The following SLC25A40 variants were observed in gnomAD, a reference collection of about 807,000 sequenced individuals.
SLC25A40 encodes the protein solute carrier family 25 member 40.
In SLC25A40, 41 loss-of-function variants were observed where a neutral mutation model predicts 46.5. The observed-to-expected ratio is 0.88, with a 90% confidence interval of 0.69 to 1.14. The LOEUF is 1.14. Ranked by LOEUF, SLC25A40 falls within the 50% of genes most tolerant of loss-of-function variation. The pLI, the probability that SLC25A40 is intolerant of heterozygous loss-of-function variation, is 0.00. For missense variants in SLC25A40, 386 were observed against 393.6 expected (o/e 0.98, Z 0.16); for synonymous variants, 126 against 127.5 (o/e 0.99, Z 0.08).
intron 9 of SLC25A40, among the ~76,000 whole-genome samples, chr7:87,843,172 C>A (rs930426947): frequency 2.6e-5 from 4 of 152,024 alleles, no homozygotes; most frequent in African/African-American, 9.7e-5. Flanking sequence ...ATAAAAAAAA[C>A]TGCCAATGTC....
In SLC25A40 at chr7:87,836,176, G is replaced by A; in HGVS notation, c.*73C>T. On this transcript the variant is annotated 3_prime_UTR_variant, in exon 12 of 12. Transcript: ENST00000341119. ...ATAAAATCATTGTGAGAGAATAATG[G>A]TGAAAAACATTCTTGCCTAAGAGTC... 4 of 849,392 alleles carry A rather than the reference G, an allele frequency of 4.7e-6. No homozygotes were observed. Among genetic ancestry groups the A allele is most frequent in the South Asian group, 1.7e-5 (1 of 58,706 alleles). 52.6% of individuals were successfully genotyped at this position (849,392 alleles called of 1,614,324 possible).
In SLC25A40 at chr7:87,834,260, GAA is replaced by G. The variant is rs1395846462; in HGVS notation, c.*1987_*1988del. ...TATAGTTCAATTATTTTATCAGACA[GAA>G]CTCTGAGAGCAAATTAAAATTTTAA... On this transcript the variant is annotated 3_prime_UTR_variant, in exon 12 of 12. Coordinates refer to ENST00000341119, the MANE Select transcript of SLC25A40 (RefSeq NM_018843.4). 6.6e-6 allele frequency: 1 copy of G among 151,660 alleles called. No individual in the cohort carries two copies. The highest frequency in any genetic ancestry group is 1.5e-5 in the Non-Finnish European group (1 of 67,818). 9.4% of individuals were successfully genotyped at this position (151,660 alleles called of 1,614,324 possible). A position where few individuals can be genotyped will look rare whatever the true frequency, so the allele number is the denominator to read the frequency against.
At chr7:87,840,656 T>A (rs1838318484) in intron 10 of SLC25A40, among the ~76,000 whole-genome samples, 1 of 151,920 alleles carries the variant, frequency 6.6e-6, no homozygotes, top group Non-Finnish European at 1.5e-5. Flanking sequence ...AAAGGACAGA[T>A]AGGGCTTAGG....
chr7:87,859,433 C>T (rs1192695818), intron 2 of SLC25A40, among the ~76,000 whole-genome samples: 1 of 151,994 alleles, frequency 6.6e-6, no homozygotes, highest in Admixed American at 6.6e-5. Flanking sequence ...CAGAGCAAGA[C>T]TCTGTCTCAA....
rs751090228 is a variant in SLC25A40, at chr7:87,854,240, T to C, written c.228A>G (p.Leu76=). Residue 76 remains leucine, a synonymous_variant, in exon 5 of 12, where the codon CTA becomes CTG. Transcript: ENST00000341119. ...GGAAATTTCCTGGCTTCTTATACCA[T>C]AGTTTGTTGCCTCCCTCTTCACAGA... is the stretch of plus-strand genomic sequence containing the variant. The part of the protein sequence containing the change: ...LCVCEEGGNK[L]WYKKPGNFQG... 46 of 1,613,268 alleles carry C rather than the reference T, an allele frequency of 2.9e-5. No individual in the cohort carries two copies. The highest frequency in any genetic ancestry group is 5.3e-5 in the African/African-American group (4 of 75,036).
At position 87,866,321 on chromosome 7, in the gene SLC25A40, G is replaced by T. The variant is rs193039180; in HGVS notation, c.-93-5681C>A. ...TTGCTGGATACAGTATTCTTGGATG[G>T]CAGATTTTTTTTTTCATTCAGCCCT... On this transcript the variant is annotated intron_variant, in intron 1 of 11. Coordinates refer to ENST00000341119, the MANE Select transcript of SLC25A40 (RefSeq NM_018843.4). Among the ~76,000 whole-genome samples, 376 of 152,058 alleles carry T rather than the reference G, an allele frequency of 2.5e-3. 9 individuals carry two copies. The highest frequency in any genetic ancestry group is 0.021 in the Admixed American group (319 of 15,286).
chr7:87,865,312 C>A (rs369510747), intron 1 of SLC25A40, among the ~76,000 whole-genome samples: 4 of 152,176 alleles, frequency 2.6e-5, no homozygotes, highest in Non-Finnish European at 5.9e-5. Context: ...AAGCTCTACA[C>A]TTTAATACAT....
At chr7:87,848,521 TA>T (rs1489328986) in intron 6 of SLC25A40, among the ~76,000 whole-genome samples, 1 of 152,198 alleles carries the variant, frequency 6.6e-6, no homozygotes, top group Admixed American at 6.5e-5. Context: ...ATAATTACCA[TA>T]ACATCAGAAT....
chr7:87,872,873 A>G (rs1838915400), intron 1 of SLC25A40, among the ~76,000 whole-genome samples: 1 of 152,208 alleles, frequency 6.6e-6, no homozygotes, highest in African/African-American at 2.4e-5. Context: ...GATGTCTTCA[A>G]GGGCCTGATA....
chr7:87,863,914 C>CT (rs1273324244), intron 1 of SLC25A40, among the ~76,000 whole-genome samples: 5 of 152,154 alleles, frequency 3.3e-5, no homozygotes, highest in Admixed American at 1.3e-4. Flanking sequence ...ATGAGATCCA[C>CT]TTTTTTAGCT....
Position 87,834,786 on chromosome 7 carries a change from C to T in SLC25A40, c.*1463G>A, listed in dbSNP as rs1211076178. ...TTTTACGTAAAAATATTTAGAAGCA[C>T]AGTGATGATTTTAAGAAGCCATAAA... On this transcript the variant is annotated 3_prime_UTR_variant, in exon 12 of 12. Transcript: ENST00000341119. The T allele has an allele frequency of 6.6e-6, 1 of 151,314 alleles. No individual in the cohort carries two copies. The highest frequency in any genetic ancestry group is 1.5e-5 in the Non-Finnish European group (1 of 67,614). The allele number at this position is 151,314 out of a possible 1,614,324, so 9.4% of individuals were successfully genotyped here. A position where few individuals can be genotyped will look rare whatever the true frequency, so the allele number is the denominator to read the frequency against.
intron 1 of SLC25A40, among the ~76,000 whole-genome samples, chr7:87,868,995 T>C (rs1838850800): frequency 6.6e-6 from 1 of 152,194 alleles, no homozygotes; most frequent in African/African-American, 2.4e-5. Context: ...TTGGAGATTC[T>C]AAGGATTTTA....
At chr7:87,854,451 C>T in intron 4 of SLC25A40, 141 bp from the exon 5 acceptor site, 1 of 594,632 alleles carries the variant, frequency 1.7e-6, no homozygotes, top group Non-Finnish European at 2.9e-6. Flanking sequence ...ATAAACATCT[C>T]TACTTTTTAG....
intron 10 of SLC25A40, among the ~76,000 whole-genome samples, chr7:87,838,203 C>A (rs758550325): frequency 3.3e-5 from 5 of 151,394 alleles, no homozygotes; most frequent in Non-Finnish European, 7.4e-5. Flanking sequence ...TAAGGAAAGT[C>A]AATGACAAGA....
chr7:87,851,719 A>G (rs2131006202), intron 5 of SLC25A40, among the ~76,000 whole-genome samples: 1 of 152,326 alleles, frequency 6.6e-6, no homozygotes, highest in Non-Finnish European at 1.5e-5. Flanking sequence ...CTGTGTGTCA[A>G]TAGAGGCTGG....
intron 1 of SLC25A40, among the ~76,000 whole-genome samples, chr7:87,862,626 A>G (rs1838724119): frequency 6.6e-6 from 1 of 152,226 alleles, no homozygotes. Flanking sequence ...TTCAAAACAA[A>G]TATGTGTTAA....
Position 87,847,141 on chromosome 7 carries a change from A to G in SLC25A40, c.458-19T>C. ...GCACCAACTAATACAAACAAGTTAA[A>G]AAAAAGAAAACAAAAATAAAGCCAT... On this transcript the variant is annotated intron_variant, in intron 7 of 11. Transcript: ENST00000341119. 1 of 1,554,422 alleles carries G rather than the reference A, an allele frequency of 6.4e-7. No homozygotes were observed. The highest frequency in any genetic ancestry group is 8.7e-7 in the Non-Finnish European group (1 of 1,150,750).
intron 1 of SLC25A40, among the ~76,000 whole-genome samples, chr7:87,866,203 T>C (rs1838795801): frequency 6.6e-6 from 1 of 152,210 alleles, no homozygotes; most frequent in African/African-American, 2.4e-5. Context: ...GAATTCCCTT[T>C]AGCGTTTCTT....
At chr7:87,858,809 C>G in intron 2 of SLC25A40, 58 bp from the exon 3 acceptor site, 2 of 922,882 alleles carry the variant, frequency 2.2e-6, no homozygotes, top group Non-Finnish European at 3.5e-6. Flanking sequence ...AAAATGATAA[C>G]ATCCTTCAGC....
Sources: gnomAD v4.1 joint callset for allele counts (sites outside exome capture counted in the v4.1 genomes callset) on GRCh38, gnomAD v4.1.1 for gene constraint, MANE v1.5 for transcripts, NCBI Gene and HGNC (gene_info 2026-07-23, HGNC 2026-07-21) for gene names.